DPP10: variants seen among roughly 807,000 people sequenced by gnomAD.
The protein encoded by DPP10 is dipeptidyl peptidase like 10, also known as inactive dipeptidyl peptidase 10.
DPP10 carries 33 observed loss-of-function variants against 120.9 expected under a neutral mutation model. The ratio of observed to expected loss-of-function variants is 0.27; its 90% CI spans 0.21 to 0.37. DPP10 has a LOEUF of 0.37. DPP10 is among the 10% of genes least tolerant of loss of function. DPP10 has a pLI of 1.00. For missense variants in DPP10, 816 were observed against 942.8 expected (o/e 0.87, Z 1.76); for synonymous variants, 337 against 326.1 (o/e 1.03, Z -0.36).
chr2:114,681,352 G>A (rs1699014438), intron 1 of DPP10, among the ~76,000 whole-genome samples: 1 of 151,936 alleles, frequency 6.6e-6, no homozygotes, highest in Non-Finnish European at 1.5e-5. Flanking sequence ...TCTCAAGCCA[G>A]TTTTCAATTC....
At chr2:114,469,476 A>G (rs1679720528) in intron 1 of DPP10, among the ~76,000 whole-genome samples, 1 of 152,132 alleles carries the variant, frequency 6.6e-6, no homozygotes, top group African/African-American at 2.4e-5. Context: ...CATGCCTGTA[A>G]TCCCAGCATT....
intron 3 of DPP10, among the ~76,000 whole-genome samples, chr2:115,348,872 C>A (rs1225238074): frequency 1.3e-5 from 2 of 152,086 alleles, no homozygotes; most frequent in Admixed American, 1.3e-4. Flanking sequence ...TATGAACCTG[C>A]AGCAATATCA....
intron 3 of DPP10, among the ~76,000 whole-genome samples, chr2:115,386,169 T>TAA (rs1417488847): frequency 1.2e-4 from 19 of 152,174 alleles, no homozygotes; most frequent in African/African-American, 2.4e-5. Context: ...AAAATACTAT[T>TAA]AATGAAAAGG....
chr2:115,468,440 C>T, intron 3 of DPP10: 1 of 454,726 alleles, frequency 2.2e-6, no homozygotes, highest in Non-Finnish European at 4.4e-6. Flanking sequence ...CCAGGGCTGG[C>T]CACTGTCCTC....
chr2:114,573,456 A>T (rs1689809996), intron 1 of DPP10, among the ~76,000 whole-genome samples: 1 of 152,224 alleles, frequency 6.6e-6, no homozygotes, highest in East Asian at 1.9e-4. Flanking sequence ...TGATCCTGAA[A>T]AAAACACCTG....
intron 1 of DPP10, among the ~76,000 whole-genome samples, chr2:114,897,977 A>G (rs773964034): frequency 2.6e-5 from 4 of 152,140 alleles, no homozygotes; most frequent in Non-Finnish European, 4.4e-5. Flanking sequence ...ATACCATTTG[A>G]CCCAGCCATT....
intron 1 of DPP10, among the ~76,000 whole-genome samples, chr2:115,299,720 T>A (rs1202819134): frequency 2.0e-5 from 3 of 152,082 alleles, no homozygotes; most frequent in African/African-American, 7.2e-5. Flanking sequence ...CTGTTCTTAT[T>A]CATGCCACAC....
chr2:114,707,236 A>T (rs572010787), intron 1 of DPP10: 1 of 152,228 alleles, frequency 6.6e-6, no homozygotes, highest in African/African-American at 2.4e-5. Context: ...TAAAGACAAT[A>T]CTAAGAATGC....
chr2:114,528,479 C>G (rs1685692105), intron 1 of DPP10, among the ~76,000 whole-genome samples: 1 of 151,916 alleles, frequency 6.6e-6, no homozygotes, highest in African/African-American at 2.4e-5. Flanking sequence ...AGTCCAAACT[C>G]TAGGATGAGG....
intron 3 of DPP10, among the ~76,000 whole-genome samples, chr2:115,462,691 A>C (rs1166734210): frequency 6.6e-6 from 1 of 152,154 alleles, no homozygotes; most frequent in Non-Finnish European, 1.5e-5. Flanking sequence ...ATATTTATGC[A>C]GTTAGTGATT....
chr2:115,031,285 CAA>C (rs969902042), intron 1 of DPP10, among the ~76,000 whole-genome samples: 2 of 152,124 alleles, frequency 1.3e-5, no homozygotes, highest in Non-Finnish European at 2.9e-5. Flanking sequence ...TGAGAAGACA[CAA>C]AGTGTAGGCA....
chr2:115,817,779 C>T (rs1687412152), intron 21 of DPP10, among the ~76,000 whole-genome samples: 1 of 151,834 alleles, frequency 6.6e-6, no homozygotes, highest in South Asian at 2.1e-4. Context: ...TCTCAGACTG[C>T]AGCACTGTTA....
chr2:114,816,259 T>C (rs1047719471), intron 1 of DPP10, among the ~76,000 whole-genome samples: 2 of 152,204 alleles, frequency 1.3e-5, no homozygotes, highest in African/African-American at 2.4e-5. Context: ...AAAGGCCAGA[T>C]AGTAAATAGT....
At chr2:114,997,359 G>T (rs1318973087) in intron 1 of DPP10, among the ~76,000 whole-genome samples, 2 of 150,978 alleles carry the variant, frequency 1.3e-5, no homozygotes, top group Admixed American at 1.3e-4. Context: ...GATCATGGTG[G>T]CATGCACCTG....
At chr2:115,696,290 C>A (rs943831765) in intron 7 of DPP10, among the ~76,000 whole-genome samples, 4 of 152,024 alleles carry the variant, frequency 2.6e-5, no homozygotes, top group African/African-American at 9.7e-5. Flanking sequence ...GAGACCCACA[C>A]CAAGACAAGT....
intron 1 of DPP10, among the ~76,000 whole-genome samples, chr2:114,706,491 G>C (rs1028541924): frequency 6.6e-6 from 1 of 152,088 alleles, no homozygotes; most frequent in African/African-American, 2.4e-5. Flanking sequence ...GTAACACTTG[G>C]CATTTTTTGA....
At chr2:114,574,677 A>T (rs748417170) in intron 1 of DPP10, among the ~76,000 whole-genome samples, 21 of 152,360 alleles carry the variant, frequency 1.4e-4, no homozygotes, top group Non-Finnish European at 2.8e-4. Context: ...TAGCAACCGC[A>T]ACACAAAACT....
At chr2:114,872,357 G>A (rs1329336228) in intron 1 of DPP10, among the ~76,000 whole-genome samples, 3 of 152,036 alleles carry the variant, frequency 2.0e-5, no homozygotes, top group Non-Finnish European at 4.4e-5. Context: ...AACAGCATAG[G>A]GGAACACCCC....
chr2:114,920,317 G>A (rs1331141041), intron 1 of DPP10, among the ~76,000 whole-genome samples: 1 of 152,172 alleles, frequency 6.6e-6, no homozygotes. Context: ...AAGGAAGAAT[G>A]TATAAGGCTG....
Sources: gnomAD v4.1 joint callset for allele counts (sites outside exome capture counted in the v4.1 genomes callset) on GRCh38, gnomAD v4.1.1 for gene constraint, MANE v1.5 for transcripts, NCBI Gene and HGNC (gene_info 2026-07-23, HGNC 2026-07-21) for gene names.